Variants in PEBP4 observed in about 807,000 individuals in gnomAD.
PEBP4 encodes the protein phosphatidylethanolamine binding protein 4.
In PEBP4, 22 loss-of-function variants were observed where a neutral mutation model predicts 23.9. The observed-to-expected ratio is 0.92, with a 90% CI of 0.66 to 1.31. The LOEUF (loss-of-function observed/expected upper bound fraction) is 1.31. PEBP4 is among the 40% of genes most tolerant of loss of function. The probability of loss-of-function intolerance (pLI) is 0.00; values close to 1 mark genes in which losing one functional copy is unlikely to be tolerated. For missense variants in PEBP4, 324 were observed against 281.7 expected, an observed-to-expected ratio of 1.15 and a Z score of -1.07; for synonymous variants, 112 against 99.3, an observed-to-expected ratio of 1.13 and a Z score of -0.76.
At position 22,870,907 on chromosome 8, in the gene PEBP4, A is replaced by G. The variant is rs148545804; in HGVS notation, c.258+49277T>C. Among the ~76,000 whole-genome samples the G allele has an allele frequency of 3.2e-3, 481 of 152,224 alleles. 2 individuals carry two copies. Among genetic ancestry groups the G allele is most frequent in the African/African-American group, 0.011 (462 of 41,518 alleles). On this transcript the variant is annotated intron_variant, in intron 3 of 6. Transcript: ENST00000256404. Reference sequence around the variant, plus strand: ...GGGGTTTTGTTTTGGAGCAACCCTCACCTCAAGATTCTCAGGATCAAAGAT... The same window carrying G: ...GGGGTTTTGTTTTGGAGCAACCCTCGCCTCAAGATTCTCAGGATCAAAGAT...
At chr8:22,727,763 G>C (rs1411932987) in intron 4 of PEBP4, among the ~76,000 whole-genome samples, 1 of 152,166 alleles carries the variant, frequency 6.6e-6, no homozygotes, top group Non-Finnish European at 1.5e-5. Context: ...TACACTGCCT[G>C]ATTCTGTGGC....
intron 3 of PEBP4, among the ~76,000 whole-genome samples, chr8:22,916,187 T>G (rs911931355): frequency 2.6e-5 from 4 of 152,152 alleles, no homozygotes; most frequent in Admixed American, 6.5e-5. Flanking sequence ...CATTCCCCAC[T>G]TAAAGGCAAT....
intron 4 of PEBP4, among the ~76,000 whole-genome samples, chr8:22,738,324 A>G (rs1804915151): frequency 6.6e-6 from 1 of 152,058 alleles, no homozygotes; most frequent in African/African-American, 2.4e-5. Context: ...AGAGCGAGTC[A>G]GAGGTGTTGT....
intron 3 of PEBP4, among the ~76,000 whole-genome samples, chr8:22,837,575 A>C (rs1017196491): frequency 1.3e-5 from 2 of 152,198 alleles, no homozygotes; most frequent in Non-Finnish European, 2.9e-5. Flanking sequence ...TAGCCTGCCC[A>C]GGGGACTCCA....
intron 4 of PEBP4, among the ~76,000 whole-genome samples, chr8:22,730,169 CG>C (rs1211083912): frequency 3.3e-5 from 5 of 152,140 alleles, no homozygotes; most frequent in African/African-American, 1.2e-4. Context: ...GATTAAAATA[CG>C]GAGATATTAT....
chr8:22,931,165 C>T (rs954632307), upstream of PEBP4, among the ~76,000 whole-genome samples: 1 of 152,192 alleles, frequency 6.6e-6, no homozygotes, highest in African/African-American at 2.4e-5. Context: ...CACATAGGCC[C>T]TCTGGAATCT....
At chr8:22,724,283 C>A (rs572325044) in intron 6 of PEBP4, among the ~76,000 whole-genome samples, 2 of 151,972 alleles carry the variant, frequency 1.3e-5, no homozygotes, top group African/African-American at 4.8e-5. Context: ...AGGCGGGGTT[C>A]GCCATTAGGA....
At chr8:22,824,117 A>C (rs1396050951) in intron 3 of PEBP4, among the ~76,000 whole-genome samples, 1 of 152,260 alleles carries the variant, frequency 6.6e-6, no homozygotes, top group African/African-American at 2.4e-5. Context: ...AGAGAAAACC[A>C]GAAAAATAGA....
chr8:22,879,519 T>C (rs1292205611), intron 3 of PEBP4: 3 of 152,208 alleles, frequency 2.0e-5, no homozygotes, highest in Non-Finnish European at 4.4e-5. Flanking sequence ...GATTTTCCAA[T>C]TCCAGCTCTT....
chr8:22,855,804 G>T (rs775066359), intron 3 of PEBP4, among the ~76,000 whole-genome samples: 9 of 152,086 alleles, frequency 5.9e-5, no homozygotes, highest in Admixed American at 1.3e-4. Flanking sequence ...ACTTTAGGAG[G>T]CCAAAGCGGA....
At chr8:22,821,503 G>A (rs1254828944) in intron 3 of PEBP4, among the ~76,000 whole-genome samples, 3 of 152,164 alleles carry the variant, frequency 2.0e-5, no homozygotes, top group African/African-American at 4.8e-5. Context: ...CAGGGGGACA[G>A]TGAGGCAGTG....
chr8:22,927,763 G>A, intron 1 of PEBP4, 43 bp from the exon 2 acceptor site: 1 of 1,610,270 alleles, frequency 6.2e-7, no homozygotes, highest in Non-Finnish European at 8.5e-7. Flanking sequence ...CCCCTGCAGG[G>A]GCCTTCCTGC....
chr8:22,766,226 G>A (rs931877424), intron 4 of PEBP4, among the ~76,000 whole-genome samples: 3 of 152,246 alleles, frequency 2.0e-5, no homozygotes. Context: ...TTCAGGGTCG[G>A]GTAGACCCGG....
chr8:22,927,667 G>A lies in PEBP4; in HGVS notation c.48C>T (p.Leu16=), dbSNP rs754083252. The change falls in exon 2 of 7, where the codon CTC becomes CTT. Residue 16 remains leucine (L), a synonymous_variant. Transcript: ENST00000256404. ...RLVTAALLLG[L]MMVVTGDEDE... ...CCTCGTCTCCAGTGACCACCATCATGAGACCCAGTAACAGTGCTGCTGTGA... is the reference window on the plus strand; with the variant it reads ...CCTCGTCTCCAGTGACCACCATCATAAGACCCAGTAACAGTGCTGCTGTGA... The A allele has an allele frequency of 3.1e-6, 5 of 1,613,808 alleles. No homozygotes were observed. The highest frequency in any genetic ancestry group is 1.6e-4 in the Middle Eastern group (1 of 6,084).
intron 3 of PEBP4, among the ~76,000 whole-genome samples, chr8:22,916,798 C>G (rs1311762111): frequency 6.6e-6 from 1 of 152,232 alleles, no homozygotes; most frequent in East Asian, 1.9e-4. Context: ...TCTTTCTCTC[C>G]TAACTTACAA....
At chr8:22,763,399 T>C (rs1805549909) in intron 4 of PEBP4, among the ~76,000 whole-genome samples, 1 of 152,194 alleles carries the variant, frequency 6.6e-6, no homozygotes, top group South Asian at 2.1e-4. Flanking sequence ...GGACACTGCC[T>C]CCAATCCCCG....
upstream of PEBP4, among the ~76,000 whole-genome samples, chr8:22,931,600 T>C (rs1166285309): frequency 6.8e-6 from 1 of 146,478 alleles, no homozygotes; most frequent in African/African-American, 2.5e-5. Context: ...TTTGTTTTTG[T>C]TTTTAGGTGG....
At chr8:22,763,519 C>T (rs891155087) in intron 4 of PEBP4, among the ~76,000 whole-genome samples, 3 of 152,150 alleles carry the variant, frequency 2.0e-5, no homozygotes, top group Admixed American at 1.3e-4. Context: ...TGCCACTTCC[C>T]GGATCTCTGA....
In PEBP4 at chr8:22,865,906, C is replaced by T. The variant is rs1412927618; in HGVS notation, c.259-48171G>A. Among the ~76,000 whole-genome samples the T allele has an allele frequency of 6.6e-6, 1 of 152,090 alleles. No individual in the cohort carries two copies. The highest frequency in any genetic ancestry group is 2.4e-5 in the African/African-American group (1 of 41,436). On this transcript the variant is annotated intron_variant, in intron 3 of 6. Coordinates refer to ENST00000256404, the MANE Select transcript of PEBP4 (RefSeq NM_144962.3). This position sits in a 1 kb window ranked among gnomAD's most constrained non-coding sequence, Gnocchi z 6.9. ...CTCGGGCGCCCCAAACCCACAGCTCCCACTCAGGACACGCGCCTCGAGGTG... is the reference window on the plus strand; with the variant it reads ...CTCGGGCGCCCCAAACCCACAGCTCTCACTCAGGACACGCGCCTCGAGGTG...
Sources: allele counts gnomAD v4.1 joint callset (sites outside exome capture counted in the v4.1 genomes callset), GRCh38; gene constraint gnomAD v4.1.1; non-coding constraint Gnocchi (gnomAD v3.1); transcripts MANE v1.5; gene names NCBI Gene and HGNC (gene_info 2026-07-23, HGNC 2026-07-21).